The following CDH19 variants were observed in gnomAD, a reference collection of about 807,000 sequenced individuals.
The protein encoded by CDH19 is cadherin-19.
A neutral mutation model predicts 64.2 loss-of-function variants in CDH19; 67 were observed. That is an observed-to-expected ratio of 1.04 (90% CI 0.86 to 1.28). The LOEUF is 1.28. Among genes scored for constraint, CDH19 ranks in the 50% most tolerant of loss-of-function variants. The pLI, the probability that CDH19 is intolerant of heterozygous loss-of-function variation, is 0.00. For synonymous variants in CDH19, 346 were observed against 319.3 expected (o/e 1.08, Z -0.89); for missense variants, 1,030 against 929.0 (o/e 1.11, Z -1.41).
chr18:66,530,293 A>T (rs1035468225), intron 8 of CDH19, among the ~76,000 whole-genome samples: 1 of 152,084 alleles, frequency 6.6e-6, no homozygotes, highest in Non-Finnish European at 1.5e-5. Flanking sequence ...GAACCATTTA[A>T]AGTTTTGTAT....
At chr18:66,584,607 T>C (rs1231714521) in intron 1 of CDH19, among the ~76,000 whole-genome samples, 1 of 152,068 alleles carries the variant, frequency 6.6e-6, no homozygotes, top group African/African-American at 2.4e-5. Context: ...ACACGAATGC[T>C]CATTGCAGCA....
rs1288911813 is a variant in CDH19, at chr18:66,582,098, T to G, written c.-112-9782A>C. Among the ~76,000 whole-genome samples the G allele has an allele frequency of 2.6e-5, 4 of 152,134 alleles. No individual in the cohort carries two copies. In the South Asian group the frequency reaches 8.3e-4, roughly 31 times the overall value. On this transcript the variant is annotated intron_variant, in intron 1 of 11. Transcript: ENST00000262150. ...CACTGTGACATCTATATCTAATGGT[T>G]CACTTTGTTTACATTGAATAAAGAT...
At chr18:66,580,721 A>G (rs563480025) in intron 1 of CDH19, among the ~76,000 whole-genome samples, 2 of 152,096 alleles carry the variant, frequency 1.3e-5, no homozygotes, top group Non-Finnish European at 2.9e-5. Flanking sequence ...AAAAATCATC[A>G]TTTATAATTC....
chr18:66,538,904 T>C (rs1354678745), intron 7 of CDH19, among the ~76,000 whole-genome samples: 1 of 152,042 alleles, frequency 6.6e-6, no homozygotes, highest in Non-Finnish European at 1.5e-5. Context: ...CCATTTTGGA[T>C]TAAAAACATA....
intron 9 of CDH19, among the ~76,000 whole-genome samples, chr18:66,522,304 G>T (rs1052667007): frequency 6.6e-6 from 1 of 151,662 alleles, no homozygotes; most frequent in Non-Finnish European, 1.5e-5. Context: ...GTGCAATGGC[G>T]TGATGTTGGC....
rs1309310245 is a variant in CDH19 at position 66,504,937 on chromosome 18, A to T, written c.2194T>A (p.Ser732Thr). 6 of 1,613,484 alleles carry T rather than the reference A, an allele frequency of 3.7e-6. No homozygotes were observed. In the Admixed American group the frequency reaches 8.4e-5, roughly 22 times the overall value. ...ACTGCTGATTCTAAGGAGCTCAGGGATCCAGCTAATGACCCTGTTCCCTCA... is the reference window on the plus strand; with the variant it reads ...ACTGCTGATTCTAAGGAGCTCAGGGTTCCAGCTAATGACCCTGTTCCCTCA... Reference protein sequence around the residue: ...AFEGTGSLAGSLSSLESAVSD... With the variant: ...AFEGTGSLAGTLSSLESAVSD... Residue 732 changes from serine to threonine, a missense_variant, in exon 12 of 12, where the codon TCC becomes ACC. Coordinates refer to ENST00000262150, the MANE Select transcript of CDH19 (RefSeq NM_021153.4).
chr18:66,576,726 C>A, intron 1 of CDH19, among the ~76,000 whole-genome samples: 1 of 151,390 alleles, frequency 6.6e-6, no homozygotes, highest in South Asian at 2.1e-4. Context: ...ACTGAAAATT[C>A]TATCCAATGA....
intron 11 of CDH19, among the ~76,000 whole-genome samples, chr18:66,506,086 A>G (rs1375184451): frequency 6.6e-6 from 1 of 152,054 alleles, no homozygotes; most frequent in Admixed American, 6.6e-5. Context: ...AAAGCACTGC[A>G]TGATCTCACT....
chr18:66,580,405 A>G (rs766873053), intron 1 of CDH19, among the ~76,000 whole-genome samples: 1 of 152,130 alleles, frequency 6.6e-6, no homozygotes, highest in East Asian at 1.9e-4. Context: ...TAATAATTAT[A>G]TAAGTGTTTC....
intron 10 of CDH19, among the ~76,000 whole-genome samples, chr18:66,510,808 C>T (rs570677032): frequency 5.3e-5 from 8 of 151,276 alleles, no homozygotes; most frequent in African/African-American, 1.2e-4. Context: ...CATTTACTCT[C>T]GTATGAAAGG....
At chr18:66,512,506 C>T (rs991349938) in intron 9 of CDH19, among the ~76,000 whole-genome samples, 1 of 151,284 alleles carries the variant, frequency 6.6e-6, no homozygotes, top group Non-Finnish European at 1.5e-5. Context: ...CAAAAATAGC[C>T]TCAGATGCAA....
At chr18:66,521,300 T>C (rs528256364) in intron 9 of CDH19, among the ~76,000 whole-genome samples, 1 of 152,170 alleles carries the variant, frequency 6.6e-6, no homozygotes, top group Non-Finnish European at 1.5e-5. Flanking sequence ...ATATGTCACC[T>C]GTAATGGATA....
chr18:66,503,341 T>A lies in CDH19; in HGVS notation c.*1471A>T, dbSNP rs1327735402. On this transcript the variant is annotated 3_prime_UTR_variant, in exon 12 of 12. Transcript: ENST00000262150. ...GTATCTATTGCACCTAATTTTATAT[T>A]CAATAATAAAAAAATGACACTGAAG... 6.6e-6 allele frequency: 1 copy of A among 151,866 alleles called. No homozygotes were observed. 9.4% of individuals were successfully genotyped at this position (151,866 alleles called of 1,614,324 possible).
At chr18:66,566,701 G>A (rs950791834) in intron 3 of CDH19, among the ~76,000 whole-genome samples, 4 of 151,738 alleles carry the variant, frequency 2.6e-5, no homozygotes, top group African/African-American at 9.7e-5. Context: ...CACGGTTGAG[G>A]GATTTCTTCT....
At chr18:66,562,297 C>T (rs1007749842) in intron 3 of CDH19, among the ~76,000 whole-genome samples, 34 of 151,564 alleles carry the variant, frequency 2.2e-4, no homozygotes, top group African/African-American at 8.2e-4. Context: ...ACTAGATAGT[C>T]CCACCTGGCA....
At chr18:66,536,639 T>G (rs1474401043) in intron 7 of CDH19, among the ~76,000 whole-genome samples, 1 of 151,720 alleles carries the variant, frequency 6.6e-6, no homozygotes, top group South Asian at 2.1e-4. Flanking sequence ...CATTAATTAA[T>G]TAAAACAGAA....
At chr18:66,533,433 A>T in intron 8 of CDH19, among the ~76,000 whole-genome samples, 1 of 152,090 alleles carries the variant, frequency 6.6e-6, no homozygotes, top group East Asian at 1.9e-4. Flanking sequence ...ATACATCATC[A>T]CAGAATATCT....
chr18:66,576,740 A>T (rs1008559433), intron 1 of CDH19, among the ~76,000 whole-genome samples: 7 of 151,650 alleles, frequency 4.6e-5, no homozygotes, highest in Non-Finnish European at 7.4e-5. Context: ...CCAATGAAAT[A>T]AGAAATGAGA....
At position 66,523,610 on chromosome 18, in the gene CDH19, G is replaced by A. The variant is rs143842985; in HGVS notation, c.1458+6235C>T. On this transcript the variant is annotated intron_variant, in intron 9 of 11. Coordinates refer to ENST00000262150, the MANE Select transcript of CDH19 (RefSeq NM_021153.4). ...GTCTGGAGCACAGTGTTTACACTCG[G>A]TGGGGGTGGGGGGGGAGTGGGTCTC... 5.5e-3 allele frequency among the ~76,000 whole-genome samples: 833 copies of A among 151,468 alleles called. 7 individuals are homozygous for A. Among genetic ancestry groups the A allele is most frequent in the African/African-American group, 0.019 (779 of 41,210 alleles).
Sources: gnomAD v4.1 joint callset for allele counts (sites outside exome capture counted in the v4.1 genomes callset) on GRCh38, gnomAD v4.1.1 for gene constraint, MANE v1.5 for transcripts, NCBI Gene and HGNC (gene_info 2026-07-23, HGNC 2026-07-21) for gene names.